The following INTS2 variants were observed in gnomAD, a reference collection of about 807,000 sequenced individuals.
INTS2 encodes the protein integrator complex subunit 2.
Under a neutral mutation model 139.6 loss-of-function variants are expected in INTS2, and 57 were observed. The ratio of observed to expected loss-of-function variants is 0.41; its 90% confidence interval spans 0.33 to 0.51. The LOEUF (loss-of-function observed/expected upper bound fraction) is 0.51. Ranked by LOEUF, INTS2 falls within the 20% of genes least tolerant of loss-of-function variation. The probability of loss-of-function intolerance (pLI) is 0.28; values close to 1 mark genes in which losing one functional copy is unlikely to be tolerated. For missense variants in INTS2, 1,196 were observed against 1,436.7 expected (o/e 0.83, Z 2.71); for synonymous variants, 473 against 493.4 (o/e 0.96, Z 0.55).
intron 5 of INTS2, among the ~76,000 whole-genome samples, chr17:61,915,040 C>A (rs925614591): frequency 6.6e-6 from 1 of 151,432 alleles, no homozygotes; most frequent in Admixed American, 6.6e-5. Context: ...TCCGTCTCTA[C>A]TAAAAATACA....
intron 14 of INTS2, 145 bp from the exon 15 acceptor site, chr17:61,890,039 A>G: frequency 1.7e-6 from 1 of 590,412 alleles, no homozygotes; most frequent in Non-Finnish European, 3.0e-6. Flanking sequence ...CTGTGTGTGT[A>G]TTAAACTCAA....
At chr17:61,916,842 A>G (rs2079587568) in intron 5 of INTS2, among the ~76,000 whole-genome samples, 1 of 152,210 alleles carries the variant, frequency 6.6e-6, no homozygotes, top group Non-Finnish European at 1.5e-5. Flanking sequence ...AAAAGAAACT[A>G]TCAACAGAGC....
Position 61,869,732 on chromosome 17 carries a change from C to T in INTS2, c.3030+5G>A. On this transcript the variant is annotated splice_donor_5th_base_variant and intron_variant, in intron 21 of 24. Coordinates refer to ENST00000251334, the MANE Select transcript of INTS2 (RefSeq NM_001351695.2). The surrounding 1 kb of genome is among the most constrained non-coding windows in gnomAD (Gnocchi z 5.4). ...AACACAAAGCATCATTCTTTGGAAA[C>T]AGACCTGAAAGTGAACAAGCTTAGC... 2.5e-6 allele frequency: 4 copies of T among 1,610,828 alleles called. No homozygotes were observed. The highest frequency in any genetic ancestry group is 3.4e-6 in the Non-Finnish European group (4 of 1,177,424).
At position 61,866,944 on chromosome 17, in the gene INTS2, A is replaced by C. The variant is rs1256888166; in HGVS notation, c.*613T>G. The C allele has an allele frequency of 6.6e-6, 1 of 152,150 alleles. No homozygotes were observed. Among genetic ancestry groups the C allele is most frequent in the Non-Finnish European group, 1.5e-5 (1 of 68,010 alleles). The allele number at this position is 152,150 out of a possible 1,614,324, so 9.4% of individuals were successfully genotyped here. On this transcript the variant is annotated 3_prime_UTR_variant, in exon 25 of 25. Transcript: ENST00000251334. ...AAATATGTGAAATCTTTAAATCCTC[A>C]TCTGTATTTCCACAGAAATCATTTA... is the stretch of plus-strand genomic sequence containing the variant.
intron 9 of INTS2, among the ~76,000 whole-genome samples, chr17:61,903,190 AAAAG>A (rs1309785657): frequency 1.1e-4 from 17 of 150,362 alleles, no homozygotes; most frequent in African/African-American, 2.2e-4. Context: ...AAAAAAAAAA[AAAAG>A]AAAGAAAGGA....
intron 16 of INTS2, among the ~76,000 whole-genome samples, chr17:61,883,598 A>C (rs906486249): frequency 5.9e-5 from 9 of 152,008 alleles, no homozygotes; most frequent in Non-Finnish European, 1.2e-4. Context: ...TAAAAATACA[A>C]AAATTTAGCT....
At chr17:61,878,603 C>A (rs1433165555) in intron 17 of INTS2, among the ~76,000 whole-genome samples, 2 of 151,186 alleles carry the variant, frequency 1.3e-5, no homozygotes, top group Non-Finnish European at 2.9e-5. Flanking sequence ...AAAATTCATG[C>A]AAGTGTAGTT....
In INTS2 at chr17:61,918,942, T is replaced by C. The variant is rs1039787027; in HGVS notation, c.649+458A>G. On this transcript the variant is annotated intron_variant, in intron 5 of 24. Coordinates refer to ENST00000251334, the MANE Select transcript of INTS2 (RefSeq NM_001351695.2). ...CTTGGGGTTTTTTTTTTTTTTTTTT[T>C]GAGACGGAGTCTCGCCCTGTCGCCC... 1.7e-4 allele frequency among the ~76,000 whole-genome samples: 24 copies of C among 140,864 alleles called. No homozygotes were observed. In the Admixed American group the frequency reaches 1.7e-3, roughly 10 times the overall value. The allele number at this position is 140,864 out of a possible 152,430, so 92.4% of individuals were successfully genotyped here.
Position 61,888,556 on chromosome 17 carries a change from T to TGTGCGTGC in INTS2, c.1984+1222_1984+1229dup, listed in dbSNP as rs113294013. ...CAGTGACATTCTCTGTGTGCGTGTGTGTGCGTGCGTGTGTGTGTGTGTGTG... is the reference window on the plus strand; with the variant it reads ...CAGTGACATTCTCTGTGTGCGTGTGTGTGCGTGCGTGCGTGCGTGTGTGTGTGTGTGTG... On this transcript the variant is annotated intron_variant, in intron 15 of 24. Transcript: ENST00000251334. 6.6e-3 allele frequency among the ~76,000 whole-genome samples: 800 copies of TGTGCGTGC among 120,538 alleles called. 4 individuals are homozygous for TGTGCGTGC. The highest frequency in any genetic ancestry group is 0.021 in the African/African-American group (702 of 34,208). 79.1% of individuals were successfully genotyped at this position (120,538 alleles called of 152,430 possible).
Position 61,866,272 on chromosome 17 carries a change from C to T in INTS2, c.*1285G>A, listed in dbSNP as rs2079045240. ...CTCAGGAGGTTGAGGCACGAGAATC[C>T]CTTGAACCCAGGTGGCAGAAGTTGC... On this transcript the variant is annotated 3_prime_UTR_variant, in exon 25 of 25. Coordinates refer to ENST00000251334, the MANE Select transcript of INTS2 (RefSeq NM_001351695.2). The T allele has an allele frequency of 1.3e-5, 2 of 151,424 alleles. No homozygotes were observed. The allele number at this position is 151,424 out of a possible 1,614,324, so 9.4% of individuals were successfully genotyped here.
intron 14 of INTS2, among the ~76,000 whole-genome samples, chr17:61,890,560 A>C (rs1425499656): frequency 6.6e-6 from 1 of 150,398 alleles, no homozygotes; most frequent in Non-Finnish European, 1.5e-5. Context: ...CAGTAAGCTG[A>C]GATCGTGTCA....
In INTS2 at chr17:61,897,084, T is replaced by C. The variant is rs1336987184; in HGVS notation, c.1494+385A>G. On this transcript the variant is annotated intron_variant, in intron 11 of 24. Coordinates refer to ENST00000251334, the MANE Select transcript of INTS2 (RefSeq NM_001351695.2). The surrounding 1 kb of genome is among the most constrained non-coding windows in gnomAD (Gnocchi z 4.4). ...GATCAAACAATGGACTATAAGACAA[T>C]GCAGTCATTAAAAATTATACTGTAT... Among the ~76,000 whole-genome samples the C allele has an allele frequency of 6.6e-6, 1 of 152,122 alleles. No individual in the cohort carries two copies. Among genetic ancestry groups the C allele is most frequent in the Admixed American group, 6.6e-5 (1 of 15,266 alleles).
chr17:61,895,855 C>CA (rs1296733275), intron 11 of INTS2, among the ~76,000 whole-genome samples: 2 of 150,996 alleles, frequency 1.3e-5, no homozygotes, highest in African/African-American at 2.4e-5. Context: ...ATGAAACCAC[C>CA]AAAAAAAACT....
At chr17:61,918,932 T>G (rs995410643) in intron 5 of INTS2, among the ~76,000 whole-genome samples, 3 of 150,712 alleles carry the variant, frequency 2.0e-5, no homozygotes, top group Non-Finnish European at 4.4e-5. Context: ...GGTTTTTTTT[T>G]TTTTTTTTTT....
chr17:61,881,802 T>C (rs377531591), intron 16 of INTS2, among the ~76,000 whole-genome samples: 26 of 152,128 alleles, frequency 1.7e-4, no homozygotes, highest in East Asian at 1.2e-3. Context: ...TAAATGAAGA[T>C]CCTGAAGTAA....
At position 61,893,629 on chromosome 17, in the gene INTS2, A is replaced by C; in HGVS notation, c.1698+136T>G. 1 of 475,086 alleles carries C rather than the reference A, an allele frequency of 2.1e-6. No individual in the cohort carries two copies. Among genetic ancestry groups the C allele is most frequent in the Non-Finnish European group, 3.3e-6 (1 of 305,592 alleles). 29.4% of individuals were successfully genotyped at this position (475,086 alleles called of 1,614,324 possible). A position where few individuals can be genotyped will look rare whatever the true frequency, so the allele number is the denominator to read the frequency against. The stretch of plus-strand genomic sequence containing the variant: ...AGAATCACTTTAACCCAGGAGGCAG[A>C]GGTTACAGTGAGCCAAGACTGCACC... On this transcript the variant is annotated intron_variant, in intron 13 of 24. Transcript: ENST00000251334. The surrounding 1 kb of genome is among the most constrained non-coding windows in gnomAD (Gnocchi z 5.4).
At position 61,927,914 on chromosome 17, in the gene INTS2, T is replaced by C. The variant is rs764104733; in HGVS notation, c.-279A>G. 33 of 1,613,822 alleles carry C rather than the reference T, an allele frequency of 2.0e-5. No homozygotes were observed. Among genetic ancestry groups the C allele is most frequent in the South Asian group, 7.7e-5 (7 of 91,062 alleles). On this transcript the variant is annotated 5_prime_UTR_variant, in exon 1 of 25. Coordinates refer to ENST00000251334, the MANE Select transcript of INTS2 (RefSeq NM_001351695.2). ...TGTAGGAACGGAAAAGCGGGAGACT[T>C]TTTCAACCTGCACCCAGCACCTTCA...
chr17:61,876,129 C>T lies in INTS2; in HGVS notation c.2457-1091G>A, dbSNP rs144794555. ...GTTACAGTGAACTATGATTGTGCCA[C>T]TGCAGTCCAGCCTGGGTGACAAAGC... On this transcript the variant is annotated intron_variant, in intron 18 of 24. Coordinates refer to ENST00000251334, the MANE Select transcript of INTS2 (RefSeq NM_001351695.2). This position sits in a 1 kb window ranked among gnomAD's most constrained non-coding sequence, Gnocchi z 4.1. Among the ~76,000 whole-genome samples the T allele has an allele frequency of 3.6e-3, 553 of 152,280 alleles. 2 individuals are homozygous for T. Among genetic ancestry groups the T allele is most frequent in the African/African-American group, 0.012 (501 of 41,562 alleles).
chr17:61,926,214 T>G, intron 2 of INTS2, 138 bp downstream of exon 2: 3 of 647,452 alleles, frequency 4.6e-6, no homozygotes, highest in Non-Finnish European at 7.8e-6. Flanking sequence ...GAACTGTAAC[T>G]ATATACAGAA....
Sources: gnomAD v4.1 joint callset for allele counts (sites outside exome capture counted in the v4.1 genomes callset) on GRCh38, gnomAD v4.1.1 for gene constraint, Gnocchi (gnomAD v3.1) non-coding constraint, MANE v1.5 for transcripts, NCBI Gene and HGNC (gene_info 2026-07-23, HGNC 2026-07-21) for gene names.